NTRK1: variants seen among roughly 807,000 people sequenced by gnomAD.
NTRK1 encodes the protein high affinity nerve growth factor receptor.
Under a neutral mutation model 86.8 loss-of-function variants are expected in NTRK1, and 62 were observed. That is an observed-to-expected ratio of 0.71 (90% CI 0.58 to 0.88). The LOEUF (loss-of-function observed/expected upper bound fraction) is 0.88, where lower values mean the gene tolerates loss of function less well. Ranked by LOEUF, NTRK1 falls within the 40% of genes least tolerant of loss-of-function variation. The pLI, the probability that NTRK1 is intolerant of heterozygous loss-of-function variation, is 0.00. For missense variants in NTRK1, 967 were observed against 1,078.4 expected, an observed-to-expected ratio of 0.90 and a Z score of 1.45; for synonymous variants, 469 against 456.6, an observed-to-expected ratio of 1.03 and a Z score of -0.35.
chr1:156,878,439 G>A (rs1397576168), intron 14 of NTRK1, among the ~76,000 whole-genome samples: 2 of 152,184 alleles, frequency 1.3e-5, no homozygotes, highest in Non-Finnish European at 2.9e-5. Context: ...CTGCACTGTA[G>A]CCCCAGTGCT....
chr1:156,846,898 C>A (rs1655035109), intron 2 of NTRK1: 2 of 687,038 alleles, frequency 2.9e-6, no homozygotes, highest in African/African-American at 1.8e-5. Flanking sequence ...ACCTGTTAGA[C>A]CTTGGCAAGG....
chr1:156,816,905 C>T (rs905677551), intron 1 of NTRK1: 11 of 445,726 alleles, frequency 2.5e-5, no homozygotes, highest in Non-Finnish European at 4.0e-5. Flanking sequence ...CCGGAAGCCA[C>T]GCAGCTGTAG....
chr1:156,816,128 A>C, intron 1 of NTRK1: 1 of 1,592,798 alleles, frequency 6.3e-7, no homozygotes, highest in Non-Finnish European at 8.5e-7. Flanking sequence ...GGGGTTTCTC[A>C]GAGAGGAACT....
chr1:156,881,411 C>T (rs1386080546), intron 16 of NTRK1, 46 bp from the exon 17 acceptor site: 1 of 1,541,648 alleles, frequency 6.5e-7, no homozygotes, highest in Non-Finnish European at 8.8e-7. Flanking sequence ...CACTCTCTTG[C>T]CCCCAGCCTA....
chr1:156,847,524 C>G (rs773088126), intron 2 of NTRK1, among the ~76,000 whole-genome samples: 2 of 152,106 alleles, frequency 1.3e-5, no homozygotes, highest in Non-Finnish European at 2.9e-5. Flanking sequence ...TTTCTTTGGA[C>G]TGGGAAGGGG....
At chr1:156,842,259 G>A (rs749935027) in intron 2 of NTRK1, 6 of 1,613,968 alleles carry the variant, frequency 3.7e-6, no homozygotes, top group South Asian at 3.3e-5. Flanking sequence ...GGCTGTGGGA[G>A]CCCAGGGTTG....
upstream of NTRK1, chr1:156,858,913 G>A (rs1012527679): frequency 6.9e-6 from 3 of 435,968 alleles, no homozygotes; most frequent in Admixed American, 1.0e-4. Flanking sequence ...GGCCTCCAGA[G>A]GGAGAAAATG....
intron 2 of NTRK1, chr1:156,844,130 G>A (rs1051050101): frequency 1.4e-6 from 2 of 1,394,278 alleles, no homozygotes; most frequent in Non-Finnish European, 2.0e-6. Flanking sequence ...TATGATGAGG[G>A]CTCAGGGAGA....
chr1:156,863,201 C>T (rs1655760650), intron 1 of NTRK1, among the ~76,000 whole-genome samples: 1 of 152,156 alleles, frequency 6.6e-6, no homozygotes, highest in South Asian at 2.1e-4. Context: ...CGAATGCCTA[C>T]TCATTCTTCT....
intron 1 of NTRK1, chr1:156,841,080 C>T: frequency 6.4e-7 from 1 of 1,565,856 alleles, no homozygotes; most frequent in Admixed American, 1.9e-5. Context: ...GGTTCGGCTG[C>T]CAGCAGCGGC....
At position 156,832,630 on chromosome 1, in the gene NTRK1, T is replaced by C. The variant is rs146164776; in HGVS notation, c.-63-9451T>C. Among the ~76,000 whole-genome samples, 426 of 151,946 alleles carry C rather than the reference T, an allele frequency of 2.8e-3. 4 individuals carry two copies. Among genetic ancestry groups the C allele is most frequent in the African/African-American group, 9.6e-3 (399 of 41,426 alleles). ...TAGAGCTGCAAAGCCCTCTGGAGGA[T>C]GGTATGGGTGTGAAGGGGCAGGAGG... On this transcript the variant is annotated intron_variant, in intron 1 of 16. Transcript: ENST00000392302.
At position 156,880,154 on chromosome 1, in the gene NTRK1, G is replaced by A. The variant is rs55668752; in HGVS notation, c.2202G>A (p.Thr734=). The A allele has an allele frequency of 1.0e-3, 1,613 of 1,613,006 alleles. 10 individuals carry two copies. In the African/African-American group the frequency reaches 0.019, roughly 19 times the overall value. The part of the protein sequence containing the change: ...GKQPWYQLSN[T]EAIDCITQGR... ...AGCCCTGGTACCAGCTCTCCAACAC[G>A]GAGGTCAGCCCCGGCCCATGGTCAC... Residue 734 remains threonine, a synonymous_variant, in exon 16 of 17, where the codon ACG becomes ACA. Coordinates refer to ENST00000524377, the MANE Select transcript of NTRK1 (RefSeq NM_002529.4).
In NTRK1 at chr1:156,868,487, G is replaced by A; in HGVS notation, c.575-18G>A. 1 of 1,554,160 alleles carries A rather than the reference G, an allele frequency of 6.4e-7. No individual in the cohort carries two copies. Among genetic ancestry groups the A allele is most frequent in the Non-Finnish European group, 8.7e-7 (1 of 1,149,012 alleles). ...CAGCTCTAACACCCCTTGGCCCTCG[G>A]GCGTCCTGGGTGGCCAGGTGTGCCC... On this transcript the variant is annotated intron_variant, in intron 5 of 16. Transcript: ENST00000524377.
intron 1 of NTRK1, among the ~76,000 whole-genome samples, chr1:156,831,665 G>A (rs931405832): frequency 5.5e-4 from 83 of 152,156 alleles, no homozygotes; most frequent in African/African-American, 2.0e-3. Context: ...TCTCAAGGAT[G>A]CCAAGAGATA....
intron 1 of NTRK1, among the ~76,000 whole-genome samples, chr1:156,863,434 C>T (rs1655775021): frequency 6.6e-6 from 1 of 151,678 alleles, no homozygotes; most frequent in South Asian, 2.1e-4. Flanking sequence ...CTCTCTCTTG[C>T]TGTGTAAGTC....
In NTRK1 at chr1:156,868,570, C is replaced by T. The variant is rs372041586; in HGVS notation, c.640C>T (p.Arg214Trp). The stretch of plus-strand genomic sequence containing the variant: ...GGATGTGGGGGACGACGTGCTGCTG[C>T]GGTGCCAGGTGGAGGGGCGGGGCCT... ...SVDVGDDVLL[R>W]CQVEGRGLEQ... Residue 214 changes from arginine to tryptophan, a missense_variant, in exon 6 of 17, where the codon CGG becomes TGG. Arg to Trp is a moderately radical substitution (Grantham distance 101). Coordinates refer to ENST00000524377, the MANE Select transcript of NTRK1 (RefSeq NM_002529.4). 468 of 1,554,690 alleles carry T rather than the reference C, an allele frequency of 3.0e-4. No homozygotes were observed. The highest frequency in any genetic ancestry group is 3.7e-4 in the Non-Finnish European group (424 of 1,148,774).
chr1:156,876,637 A>G (rs1195092899), intron 14 of NTRK1, 65 bp downstream of exon 14: 22 of 1,537,298 alleles, frequency 1.4e-5, no homozygotes, highest in African/African-American at 2.7e-5. Flanking sequence ...TCCCTTCCCT[A>G]TAGACATCCC....
At chr1:156,844,429 G>A (rs751361696) in intron 2 of NTRK1, 16 of 1,603,166 alleles carry the variant, frequency 1.0e-5, no homozygotes, top group African/African-American at 9.3e-5. Context: ...GGGCTGTTCG[G>A]TGATACAGGT....
intron 2 of NTRK1, among the ~76,000 whole-genome samples, chr1:156,843,961 C>G (rs1654892186): frequency 6.6e-6 from 1 of 152,194 alleles, no homozygotes; most frequent in Non-Finnish European, 1.5e-5. Context: ...GGATGTGCAA[C>G]TTTTACTGAT....
Sources: allele counts gnomAD v4.1 joint callset (sites outside exome capture counted in the v4.1 genomes callset), GRCh38; gene constraint gnomAD v4.1.1; transcripts MANE v1.5; gene names NCBI Gene and HGNC (gene_info 2026-07-23, HGNC 2026-07-21).